The following MORC1 variants were observed in gnomAD, a reference collection of about 807,000 sequenced individuals.
MORC1 encodes the protein MORC family CW-type zinc finger 1, also known as MORC family CW-type zinc finger protein 1.
In MORC1, 59 loss-of-function variants were observed where a neutral mutation model predicts 134.9. That is an observed-to-expected ratio of 0.44 (90% CI 0.35 to 0.54). The LOEUF (loss-of-function observed/expected upper bound fraction) is 0.54. Ranked by LOEUF, MORC1 falls within the 20% of genes least tolerant of loss-of-function variation. The pLI is 0.00. For missense variants in MORC1, 947 were observed against 1,134.5 expected (o/e 0.83, Z 2.37); for synonymous variants, 395 against 391.7 (o/e 1.01, Z -0.10).
intron 17 of MORC1, among the ~76,000 whole-genome samples, chr3:109,012,737 T>C (rs9851062): frequency 0.2 from 31,009 of 152,162 alleles, 3,505 homozygotes; most frequent in Middle Eastern, 0.33. Context: ...AAAAGTTAAT[T>C]TTTATATATT....
intron 15 of MORC1, among the ~76,000 whole-genome samples, chr3:109,033,310 AAGGAAGGAAGGAAGG>A: frequency 6.7e-6 from 1 of 149,092 alleles, no homozygotes; most frequent in East Asian, 2.2e-4. Context: ...GGAAGGAAGG[AAGGAAGGAAGGAAGG>A]AAGGAAGGAA....
chr3:109,081,481 A>C (rs1950518473), intron 8 of MORC1, among the ~76,000 whole-genome samples: 1 of 139,538 alleles, frequency 7.2e-6, no homozygotes, highest in Admixed American at 7.5e-5. Context: ...TTTGAGACAG[A>C]GTCTCACTCT....
chr3:109,073,232 T>C (rs1422292740), intron 8 of MORC1, among the ~76,000 whole-genome samples: 3 of 152,186 alleles, frequency 2.0e-5, no homozygotes, highest in Admixed American at 6.5e-5. Context: ...GTGCCATGCA[T>C]CATGGGTGGA....
intron 19 of MORC1, 43 bp downstream of exon 19, chr3:109,005,027 A>G: frequency 6.3e-7 from 1 of 1,585,490 alleles, no homozygotes. Flanking sequence ...TGCTATTTCC[A>G]GAATGAGTGA....
intron 23 of MORC1, 98 bp downstream of exon 23, chr3:108,984,618 G>A: frequency 2.2e-6 from 2 of 921,852 alleles, no homozygotes; most frequent in East Asian, 3.0e-5. Flanking sequence ...TGCTTTTGTT[G>A]CTATTATTTC....
chr3:109,079,726 A>G lies in MORC1; in HGVS notation c.690-9969T>C, dbSNP rs148309103. Among the ~76,000 whole-genome samples the G allele has an allele frequency of 5.8e-3, 890 of 152,260 alleles. 7 individuals carry two copies. Among genetic ancestry groups the G allele is most frequent in the Non-Finnish European group, 8.3e-3 (565 of 67,988 alleles). On this transcript the variant is annotated intron_variant, in intron 8 of 27. Transcript: ENST00000232603. ...AAGCTGTCCTTATTTGCAGATGATA[A>G]GACTATACAGAAAATCTAATGAAAA... is the stretch of plus-strand genomic sequence containing the variant.
intron 23 of MORC1, among the ~76,000 whole-genome samples, chr3:108,980,310 A>T (rs1330514277): frequency 6.6e-6 from 1 of 152,132 alleles, no homozygotes; most frequent in Admixed American, 6.5e-5. Context: ...TCCAGAGGTA[A>T]CAGTTGATTT....
chr3:109,093,701 T>C (rs549798507), intron 7 of MORC1, among the ~76,000 whole-genome samples, 160 bp from the exon 8 acceptor site: 2 of 152,366 alleles, frequency 1.3e-5, no homozygotes, highest in East Asian at 1.9e-4. Context: ...AGCCAAGATA[T>C]GTCTTCTAGC....
chr3:109,044,175 T>A (rs1949627242), intron 14 of MORC1, among the ~76,000 whole-genome samples: 1 of 152,182 alleles, frequency 6.6e-6, no homozygotes, highest in Admixed American at 6.5e-5. Flanking sequence ...ACTGAAAGGT[T>A]AATTTACTGC....
At position 108,965,681 on chromosome 3, in the gene MORC1, A is replaced by G. The variant is rs1308978964; in HGVS notation, c.2605-2073T>C. On this transcript the variant is annotated intron_variant, in intron 26 of 27. Coordinates refer to ENST00000232603, the MANE Select transcript of MORC1 (RefSeq NM_014429.4). The stretch of plus-strand genomic sequence containing the variant: ...ATACACACACATTTTACCAAATTCA[A>G]TTTCCTGGTTTTGATATTGTACCAT... 3.9e-5 allele frequency among the ~76,000 whole-genome samples: 6 copies of G among 152,124 alleles called. No individual in the cohort carries two copies. In the South Asian group the frequency reaches 6.2e-4, roughly 16 times the overall value.
chr3:109,027,800 C>T lies in MORC1; in HGVS notation c.1655G>A (p.Arg552Lys). ...PSKNEKEKQL[R>K]ESVIKYQNRL... ...ATTTTGATACTTTATGACCGACTCTCTAAGTTGCTTCTCTTTCTCATTTTT... is the reference window on the plus strand; with the variant it reads ...ATTTTGATACTTTATGACCGACTCTTTAAGTTGCTTCTCTTTCTCATTTTT... Residue 552 changes from arginine (R) to lysine (K), a missense_variant, in exon 17 of 28, where the codon AGA becomes AAA. Around this residue, in one of 3 missense-constraint regions of MORC1, gnomAD observed 722 missense variants for 817.0 expected, o/e 0.88. Coordinates refer to ENST00000232603, the MANE Select transcript of MORC1 (RefSeq NM_014429.4). The T allele has an allele frequency of 6.2e-7, 1 of 1,613,908 alleles. No homozygotes were observed. Among genetic ancestry groups the T allele is most frequent in the Non-Finnish European group, 8.5e-7 (1 of 1,179,878 alleles).
rs534084487 is a variant in MORC1 at position 108,989,913 on chromosome 3, A to G, written c.2188-2964T>C. On this transcript the variant is annotated intron_variant, in intron 21 of 27. Transcript: ENST00000232603. ...CCACCCAAATCTCATCTTGAATTGTAGCTCCCATAATCCCCACCTGTCATG... is the reference window on the plus strand; with the variant it reads ...CCACCCAAATCTCATCTTGAATTGTGGCTCCCATAATCCCCACCTGTCATG... Among the ~76,000 whole-genome samples the G allele has an allele frequency of 1.6e-3, 251 of 152,216 alleles. 2 individuals are homozygous for G. The highest frequency in any genetic ancestry group is 5.9e-3 in the African/African-American group (244 of 41,530).
intron 17 of MORC1, among the ~76,000 whole-genome samples, chr3:109,021,954 T>G (rs1265508011): frequency 1.3e-5 from 2 of 152,200 alleles, no homozygotes; most frequent in African/African-American, 4.8e-5. Context: ...ATAAGGCAAT[T>G]TGTTTAATGT....
Position 109,069,727 on chromosome 3 carries a change from G to A in MORC1, c.720C>T (p.Tyr240=), listed in dbSNP as rs368294838. 1.3e-5 allele frequency: 21 copies of A among 1,610,816 alleles called. No homozygotes were observed. Among genetic ancestry groups the A allele is most frequent in the Non-Finnish European group, 1.7e-5 (20 of 1,177,802 alleles). The change falls in exon 9 of 28, where the codon TAC becomes TAT. Residue 240 remains tyrosine (Y), a synonymous_variant. Transcript: ENST00000232603. ...DFPARWSFRA[Y]TSVLYFNPWM... ...ATGGGTTAAAATACAGAACAGATGTGTAGGCTCTGAATGACCACCTCGCTG... is the reference window on the plus strand; with the variant it reads ...ATGGGTTAAAATACAGAACAGATGTATAGGCTCTGAATGACCACCTCGCTG...
Position 109,055,003 on chromosome 3 carries a change from C to T in MORC1, c.1176-121G>A, listed in dbSNP as rs1434055488. On this transcript the variant is annotated intron_variant, in intron 13 of 27. Transcript: ENST00000232603. ...ATAAATTCATTCTGTTGATCTGGAC[C>T]ATGTCAAAGTTTAACAAGTTAGCTA... 3 of 893,274 alleles carry T rather than the reference C, an allele frequency of 3.4e-6. No homozygotes were observed. In the African/African-American group the frequency reaches 5.2e-5, roughly 16 times the overall value. 55.3% of individuals were successfully genotyped at this position (893,274 alleles called of 1,614,324 possible). A position where few individuals can be genotyped will look rare whatever the true frequency, so the allele number is the denominator to read the frequency against.
chr3:109,066,243 C>A (rs35881476), intron 9 of MORC1, among the ~76,000 whole-genome samples: 6,009 of 151,880 alleles, frequency 0.04, 253 homozygotes, highest in Middle Eastern at 0.11. Context: ...TTTCCTCCCC[C>A]ACTAGAATGT....
At chr3:109,023,921 T>A (rs568723572) in intron 17 of MORC1, among the ~76,000 whole-genome samples, 1 of 152,314 alleles carries the variant, frequency 6.6e-6, no homozygotes, top group East Asian at 1.9e-4. Flanking sequence ...AAGCTGAAAG[T>A]AGTTAGAAAC....
chr3:109,112,587 C>G (rs1291640194), intron 2 of MORC1, among the ~76,000 whole-genome samples: 1 of 152,182 alleles, frequency 6.6e-6, no homozygotes, highest in Non-Finnish European at 1.5e-5. Context: ...TGAGGCAAAG[C>G]TGAAGGCATG....
At chr3:108,969,295 T>C (rs985506748) in intron 26 of MORC1, among the ~76,000 whole-genome samples, 2 of 152,182 alleles carry the variant, frequency 1.3e-5, no homozygotes, top group Non-Finnish European at 2.9e-5. Flanking sequence ...AAACTATTGA[T>C]AAGGTACTTA....
Sources: gnomAD v4.1 joint callset for allele counts (sites outside exome capture counted in the v4.1 genomes callset) on GRCh38, gnomAD v4.1.1 for gene constraint, gnomAD v4.1.1 regional missense constraint, MANE v1.5 for transcripts, NCBI Gene and HGNC (gene_info 2026-07-23, HGNC 2026-07-21) for gene names.